Variants in DDHD1 observed in about 807,000 individuals in gnomAD.
The protein encoded by DDHD1 is DDHD domain containing 1.
A neutral mutation model predicts 96.4 loss-of-function variants in DDHD1; 49 were observed. The ratio of observed to expected loss-of-function variants is 0.51; its 90% confidence interval spans 0.40 to 0.64. The LOEUF (loss-of-function observed/expected upper bound fraction) is 0.64. Ranked by LOEUF, DDHD1 falls within the 30% of genes least tolerant of loss-of-function variation. The probability of loss-of-function intolerance (pLI) is 0.00; values close to 1 mark genes in which losing one functional copy is unlikely to be tolerated. For missense variants in DDHD1, 1,106 were observed against 1,161.2 expected (o/e 0.95, Z 0.69); for synonymous variants, 442 against 446.5 (o/e 0.99, Z 0.13).
intron 1 of DDHD1, among the ~76,000 whole-genome samples, chr14:53,118,119 T>A (rs1484402848): frequency 6.6e-6 from 1 of 151,942 alleles, no homozygotes; most frequent in African/African-American, 2.4e-5. Flanking sequence ...AGCATCAACA[T>A]CAACAAAAAG....
chr14:53,118,697 G>C (rs1427154041), intron 1 of DDHD1, among the ~76,000 whole-genome samples: 2 of 152,216 alleles, frequency 1.3e-5, no homozygotes, highest in Non-Finnish European at 2.9e-5. Context: ...TGGTGTACCA[G>C]AAAGTGACCG....
chr14:53,144,009 C>T (rs191270853), intron 1 of DDHD1, among the ~76,000 whole-genome samples: 37 of 152,260 alleles, frequency 2.4e-4, no homozygotes, highest in African/African-American at 7.0e-4. Flanking sequence ...AGAATCCTGC[C>T]AGGCAATTAG....
At chr14:53,091,970 C>A in intron 3 of DDHD1, 38 bp from the exon 4 acceptor site, 4 of 1,552,396 alleles carry the variant, frequency 2.6e-6, no homozygotes, top group Non-Finnish European at 3.5e-6. Flanking sequence ...ACTATTTAAT[C>A]TGAGAAATAG....
chr14:53,080,426 A>C (rs1035616571), intron 4 of DDHD1, among the ~76,000 whole-genome samples: 1 of 152,104 alleles, frequency 6.6e-6, no homozygotes, highest in African/African-American at 2.4e-5. Context: ...CTACTTGCTT[A>C]TATCTTTAGC....
In DDHD1 at chr14:53,054,632, G is replaced by A. The variant is rs1361793750; in HGVS notation, c.2246-3C>T. The A allele has an allele frequency of 6.2e-7, 1 of 1,612,754 alleles. No individual in the cohort carries two copies. The highest frequency in any genetic ancestry group is 8.5e-7 in the Non-Finnish European group (1 of 1,179,112). ...TCCCTTTCCAATGCTAGCAGCCCCT[G>A]TATTTCACAAAGCAGGGTAGTCATT... On this transcript the variant is annotated splice_region_variant and splice_polypyrimidine_tract_variant and intron_variant, in intron 10 of 12. Transcript: ENST00000673822.
intron 4 of DDHD1, among the ~76,000 whole-genome samples, 194 bp from the exon 5 acceptor site, chr14:53,074,041 A>C (rs1281168848): frequency 6.6e-6 from 1 of 152,064 alleles, no homozygotes; most frequent in Non-Finnish European, 1.5e-5. Context: ...TTATTTTCCT[A>C]AATTTGCCAT....
In DDHD1 at chr14:53,042,293, A is replaced by G. The variant is rs1177959393; in HGVS notation, c.*4475T>C. ...TCAATTCCTAAACTTAGTTTCTGACATGACACCTGTTAATATTTGCAGAAT... is the reference window on the plus strand; with the variant it reads ...TCAATTCCTAAACTTAGTTTCTGACGTGACACCTGTTAATATTTGCAGAAT... On this transcript the variant is annotated 3_prime_UTR_variant, in exon 13 of 13. Transcript: ENST00000673822. 6.6e-6 allele frequency: 1 copy of G among 152,188 alleles called. No individual in the cohort carries two copies. The highest frequency in any genetic ancestry group is 1.9e-4 in the East Asian group (1 of 5,202). 9.4% of individuals were successfully genotyped at this position (152,188 alleles called of 1,614,324 possible).
chr14:53,113,390 C>CAAAAAAA (rs60704615), intron 1 of DDHD1, among the ~76,000 whole-genome samples: 13 of 118,256 alleles, frequency 1.1e-4, no homozygotes, highest in African/African-American at 2.3e-4. Flanking sequence ...CTGTACAAGC[C>CAAAAAAA]AAAAAAAAAA....
chr14:53,071,727 G>A (rs2139908847), intron 6 of DDHD1, among the ~76,000 whole-genome samples: 1 of 152,230 alleles, frequency 6.6e-6, no homozygotes, highest in South Asian at 2.1e-4. Flanking sequence ...CTGCAGTAAA[G>A]TGGCCCCCTG....
intron 11 of DDHD1, 66 bp downstream of exon 11, chr14:53,054,372 C>A: frequency 6.9e-7 from 1 of 1,446,922 alleles, no homozygotes; most frequent in Non-Finnish European, 9.4e-7. Flanking sequence ...TATTTTATAC[C>A]TCCCTGCCCT....
At position 53,085,314 on chromosome 14, in the gene DDHD1, GCCT is replaced by G. The variant is rs1396500150; in HGVS notation, c.1289+6468_1289+6470del. 2.0e-5 allele frequency among the ~76,000 whole-genome samples: 3 copies of G among 152,194 alleles called. No homozygotes were observed. In the East Asian group the frequency reaches 5.8e-4, roughly 29 times the overall value. On this transcript the variant is annotated intron_variant, in intron 4 of 12. Coordinates refer to ENST00000673822, the MANE Select transcript of DDHD1 (RefSeq NM_001160148.2). ...TTTCAACTCTGAGAATGGACAGATTGCCTCCTCAAGTGGGTCCCTGACCCCTAT... is the reference window on the plus strand; with the variant it reads ...TTTCAACTCTGAGAATGGACAGATTGCCTCAAGTGGGTCCCTGACCCCTAT...
At chr14:53,145,669 T>C (rs999985385) in intron 1 of DDHD1, among the ~76,000 whole-genome samples, 7 of 152,144 alleles carry the variant, frequency 4.6e-5, no homozygotes, top group African/African-American at 1.7e-4. Flanking sequence ...ATATAGTTAA[T>C]ATTACATTCT....
intron 1 of DDHD1, among the ~76,000 whole-genome samples, chr14:53,110,514 A>T (rs140449302): frequency 1.1e-4 from 17 of 152,202 alleles, no homozygotes; most frequent in South Asian, 2.1e-4. Context: ...TTTTACATTT[A>T]CTTCTTCAGG....
chr14:53,127,845 A>C (rs1321895139), intron 1 of DDHD1, among the ~76,000 whole-genome samples: 1 of 152,154 alleles, frequency 6.6e-6, no homozygotes, highest in African/African-American at 2.4e-5. Flanking sequence ...TTTTACATTG[A>C]GTTGTATAGT....
chr14:53,136,781 C>T (rs1890269398), intron 1 of DDHD1, among the ~76,000 whole-genome samples: 1 of 152,114 alleles, frequency 6.6e-6, no homozygotes, highest in South Asian at 2.1e-4. Flanking sequence ...TAACAAAGCT[C>T]AAAAGAAAGC....
At chr14:53,131,380 G>A (rs184598600) in intron 1 of DDHD1, among the ~76,000 whole-genome samples, 5 of 152,250 alleles carry the variant, frequency 3.3e-5, no homozygotes, top group Admixed American at 3.3e-4. Flanking sequence ...CTCAACGCCA[G>A]TATGCCATCC....
intron 1 of DDHD1, among the ~76,000 whole-genome samples, chr14:53,135,794 AAAT>A (rs1218929701): frequency 4.6e-5 from 7 of 152,240 alleles, no homozygotes; most frequent in African/African-American, 1.7e-4. Context: ...ATCTCACCTT[AAAT>A]AACTAGAAAA....
chr14:53,139,702 CAAAAACAA>C (rs920899192), intron 1 of DDHD1, among the ~76,000 whole-genome samples: 5 of 151,626 alleles, frequency 3.3e-5, no homozygotes, highest in African/African-American at 1.2e-4. Flanking sequence ...AAAACAAAAA[CAAAAACAA>C]AAAAACAAAA....
intron 4 of DDHD1, among the ~76,000 whole-genome samples, chr14:53,089,231 C>T (rs1370095832): frequency 6.6e-6 from 1 of 151,976 alleles, no homozygotes; most frequent in African/African-American, 2.4e-5. Flanking sequence ...TGAAAATGGT[C>T]ATAATGCCAA....
Sources: allele counts gnomAD v4.1 joint callset (sites outside exome capture counted in the v4.1 genomes callset), GRCh38; gene constraint gnomAD v4.1.1; transcripts MANE v1.5; gene names NCBI Gene and HGNC (gene_info 2026-07-23, HGNC 2026-07-21).